PTH2R: variants seen among roughly 807,000 people sequenced by gnomAD.
The protein encoded by PTH2R is PTH2 receptor.
PTH2R carries 59 observed loss-of-function variants against 60.3 expected under a neutral mutation model. The observed-to-expected ratio is 0.98, with a 90% CI of 0.79 to 1.22. The LOEUF (loss-of-function observed/expected upper bound fraction) is 1.22. Among genes scored for constraint, PTH2R ranks in the 50% most tolerant of loss-of-function variants. The pLI, the probability that PTH2R is intolerant of heterozygous loss-of-function variation, is 0.00. For synonymous variants in PTH2R, 256 were observed against 243.8 expected (o/e 1.05, Z -0.47); for missense variants, 749 against 682.6 (o/e 1.10, Z -1.08).
At chr2:208,369,869 C>A (rs778344504) in intron 1 of PTH2R, among the ~76,000 whole-genome samples, 3 of 152,026 alleles carry the variant, frequency 2.0e-5, no homozygotes, top group Non-Finnish European at 4.4e-5. Context: ...GTATTGCAAC[C>A]CTAAGTTCTC....
Position 208,406,921 on chromosome 2 carries a change from ACCACCCCAGCTGCGCGTCGTTACTGG to A in PTH2R, c.-118_-93del, listed in dbSNP as rs1379820739. The A allele has an allele frequency of 2.1e-4, 160 of 777,246 alleles. 1 individual carries two copies. The highest frequency in any genetic ancestry group is 2.7e-4 in the Non-Finnish European group (143 of 536,600). The allele number at this position is 777,246 out of a possible 1,614,324, so 48.1% of individuals were successfully genotyped here. A position where few individuals can be genotyped will look rare whatever the true frequency, so the allele number is the denominator to read the frequency against. Reference sequence around the variant, plus strand: ...ACCCTCGGCCGGTGGCCCGGGCCCGACCACCCCAGCTGCGCGTCGTTACTGGCCACAAGTTTGCTCTGGGCCAGCCA... The same window carrying A: ...ACCCTCGGCCGGTGGCCCGGGCCCGACCACAAGTTTGCTCTGGGCCAGCCA... On this transcript the variant is annotated 5_prime_UTR_variant, in exon 1 of 13. Transcript: ENST00000272847.
intron 1 of PTH2R, among the ~76,000 whole-genome samples, chr2:208,407,659 T>C (rs984717993): frequency 2.0e-5 from 3 of 152,234 alleles, no homozygotes; most frequent in African/African-American, 7.2e-5. Context: ...GCGGTGGCTG[T>C]CACTTTTGTA....
chr2:208,427,237 A>C (rs553914267), intron 1 of PTH2R, among the ~76,000 whole-genome samples: 17 of 152,316 alleles, frequency 1.1e-4, no homozygotes, highest in Non-Finnish European at 2.1e-4. Context: ...AAAAACCAAA[A>C]CAAAACAAAA....
At chr2:208,420,339 G>C (rs894400405) in intron 1 of PTH2R, among the ~76,000 whole-genome samples, 6 of 151,814 alleles carry the variant, frequency 4.0e-5, no homozygotes, top group Middle Eastern at 3.4e-3. Flanking sequence ...GTACATTTAG[G>C]ACTTTTTCAA....
At chr2:208,452,265 C>T (rs1702421145) in intron 8 of PTH2R, among the ~76,000 whole-genome samples, 1 of 152,102 alleles carries the variant, frequency 6.6e-6, no homozygotes, top group East Asian at 1.9e-4. Flanking sequence ...CTACTCTTTA[C>T]AGAGTTGTTG....
At chr2:208,488,075 C>A (rs1703314554) in intron 10 of PTH2R, among the ~76,000 whole-genome samples, 1 of 152,126 alleles carries the variant, frequency 6.6e-6, no homozygotes, top group South Asian at 2.1e-4. Flanking sequence ...CTTAGAATAA[C>A]CATCATATTG....
At chr2:208,405,080 T>G (rs1701377080), upstream of PTH2R, among the ~76,000 whole-genome samples, 1 of 152,214 alleles carries the variant, frequency 6.6e-6, no homozygotes, top group Non-Finnish European at 1.5e-5. Context: ...TAGCAAACTT[T>G]TGTCCTCCAC....
chr2:208,480,001 A>G (rs1703109119), intron 9 of PTH2R, among the ~76,000 whole-genome samples: 1 of 152,214 alleles, frequency 6.6e-6, no homozygotes, highest in African/African-American at 2.4e-5. Flanking sequence ...TGTGGGGCTC[A>G]AGACCTAGCC....
intron 7 of PTH2R, among the ~76,000 whole-genome samples, chr2:208,445,323 C>T (rs1316782574): frequency 2.6e-5 from 4 of 152,024 alleles, no homozygotes; most frequent in Non-Finnish European, 5.9e-5. Flanking sequence ...TTTGTAGGAC[C>T]ATCCTGACTG....
chr2:208,419,043 G>A (rs1486614841), intron 1 of PTH2R, among the ~76,000 whole-genome samples: 1 of 152,128 alleles, frequency 6.6e-6, no homozygotes, highest in Non-Finnish European at 1.5e-5. Context: ...CCCAGTAATG[G>A]GATGGCTGGG....
intron 1 of PTH2R, among the ~76,000 whole-genome samples, chr2:208,389,685 A>G (rs947747950): frequency 1.3e-5 from 2 of 152,196 alleles, no homozygotes; most frequent in African/African-American, 4.8e-5. Flanking sequence ...TGTGCCAAAC[A>G]TTGATGTTTT....
chr2:208,488,844 G>A (rs544639918), intron 10 of PTH2R, among the ~76,000 whole-genome samples, 168 bp from the exon 11 acceptor site: 1 of 152,182 alleles, frequency 6.6e-6, no homozygotes, highest in South Asian at 2.1e-4. Context: ...GCCACTGTAC[G>A]CCAGCCTGGG....
Position 208,437,760 on chromosome 2 carries a change from G to C in PTH2R, c.290G>C (p.Gly97Ala). 1.2e-6 allele frequency: 2 copies of C among 1,612,028 alleles called. No individual in the cohort carries two copies. Among genetic ancestry groups the C allele is most frequent in the Non-Finnish European group, 1.7e-6 (2 of 1,178,280 alleles). ...CTCAGCATCTTTCATGTCTTTACAG[G>C]AGTTGCTTTCCGACACTGTAACCCC... ...PPYIYDFNHKGVAFRHCNPNG... is the reference protein window; with the variant it reads ...PPYIYDFNHKAVAFRHCNPNG... Residue 97 changes from glycine (G) to alanine (A), a missense_variant and splice_region_variant, in exon 4 of 13, where the codon GGA (glycine) becomes GCA (alanine). Coordinates refer to ENST00000272847, the MANE Select transcript of PTH2R (RefSeq NM_005048.4).
chr2:208,416,802 C>G (rs573650560), intron 1 of PTH2R, among the ~76,000 whole-genome samples: 1 of 152,246 alleles, frequency 6.6e-6, no homozygotes, highest in African/African-American at 2.4e-5. Context: ...GCCTAGCCTC[C>G]CAGCCTACAT....
At chr2:208,419,657 G>T (rs1273098713) in intron 1 of PTH2R, among the ~76,000 whole-genome samples, 2 of 152,170 alleles carry the variant, frequency 1.3e-5, no homozygotes, top group Admixed American at 6.5e-5. Context: ...ATGGTTTTAG[G>T]TCTAACATTT....
At chr2:208,365,479 A>G (rs1443583229) in intron 1 of PTH2R, among the ~76,000 whole-genome samples, 2 of 152,034 alleles carry the variant, frequency 1.3e-5, no homozygotes, top group African/African-American at 4.8e-5. Flanking sequence ...AATGTGGTGT[A>G]CTACATTGAT....
At chr2:208,484,350 G>A (rs1307649654) in intron 10 of PTH2R, among the ~76,000 whole-genome samples, 1 of 152,170 alleles carries the variant, frequency 6.6e-6, no homozygotes, top group African/African-American at 2.4e-5. Context: ...TTTTTATCTT[G>A]AGATAATTGT....
chr2:208,462,015 A>G (rs765353025), intron 9 of PTH2R, among the ~76,000 whole-genome samples: 9 of 152,198 alleles, frequency 5.9e-5, no homozygotes, highest in Non-Finnish European at 1.2e-4. Context: ...TACTTTTCCT[A>G]TATTATGAAG....
At chr2:208,446,024 A>G (rs1702281873) in intron 7 of PTH2R, among the ~76,000 whole-genome samples, 1 of 152,180 alleles carries the variant, frequency 6.6e-6, no homozygotes, top group Admixed American at 6.5e-5. Context: ...CTTCAAATCA[A>G]AATTATATCT....
Sources: allele counts gnomAD v4.1 joint callset (sites outside exome capture counted in the v4.1 genomes callset), GRCh38; gene constraint gnomAD v4.1.1; transcripts MANE v1.5; gene names NCBI Gene and HGNC (gene_info 2026-07-23, HGNC 2026-07-21).